Variants in WWOX observed in about 807,000 individuals in gnomAD.
WWOX encodes WW domain-containing oxidoreductase.
Under a neutral mutation model 46.2 loss-of-function variants are expected in WWOX, and 69 were observed. The observed-to-expected ratio is 1.49, with a 90% CI of 1.23 to 1.82. WWOX has a LOEUF of 1.82. Among genes scored for constraint, WWOX ranks in the 40% most tolerant of loss-of-function variants. WWOX has a pLI of 0.00. For missense variants in WWOX, 919 were observed against 542.6 expected (o/e 1.69, Z -6.89); for synonymous variants, 359 against 202.6 (o/e 1.77, Z -6.56).
At chr16:78,563,961 C>A (rs1269256190) in intron 8 of WWOX, among the ~76,000 whole-genome samples, 2 of 152,184 alleles carry the variant, frequency 1.3e-5, no homozygotes, top group Admixed American at 6.5e-5. Context: ...TTGAAACGTG[C>A]TTTTATGTTG....
At chr16:78,771,654 C>G (rs893578900) in intron 8 of WWOX, among the ~76,000 whole-genome samples, 9 of 152,038 alleles carry the variant, frequency 5.9e-5, no homozygotes, top group African/African-American at 2.4e-5. Flanking sequence ...TGTCTGTAAT[C>G]CCAGCTATTT....
At chr16:78,930,420 G>A (rs1173514077) in intron 8 of WWOX, among the ~76,000 whole-genome samples, 1 of 149,222 alleles carries the variant, frequency 6.7e-6, no homozygotes, top group African/African-American at 2.5e-5. Flanking sequence ...TGGGACTACA[G>A]GTGTGCACCA....
At chr16:78,718,374 T>C (rs936667321) in intron 8 of WWOX, among the ~76,000 whole-genome samples, 2 of 152,160 alleles carry the variant, frequency 1.3e-5, no homozygotes, top group African/African-American at 4.8e-5. Context: ...TCAGAAGTTA[T>C]CATTGTGTTT....
At chr16:78,931,261 A>T (rs976201650) in intron 8 of WWOX, among the ~76,000 whole-genome samples, 2 of 152,172 alleles carry the variant, frequency 1.3e-5, no homozygotes, top group African/African-American at 4.8e-5. Context: ...ATGGGAACGC[A>T]GGTCAGCATG....
chr16:78,767,094 T>TTTCCTCCC (rs2049941155), intron 8 of WWOX, among the ~76,000 whole-genome samples: 1 of 120,748 alleles, frequency 8.3e-6, no homozygotes. Context: ...CTCTCTCTCC[T>TTTCCTCCC]TTCCTCCCTT....
At chr16:78,999,954 G>A (rs1315565217) in intron 8 of WWOX, among the ~76,000 whole-genome samples, 1 of 152,096 alleles carries the variant, frequency 6.6e-6, no homozygotes, top group Non-Finnish European at 1.5e-5. Flanking sequence ...TTCACCGGGA[G>A]CATTTTTTTT....
chr16:78,316,440 T>G (rs959359488), intron 5 of WWOX, among the ~76,000 whole-genome samples: 11 of 152,138 alleles, frequency 7.2e-5, no homozygotes, highest in Non-Finnish European at 1.3e-4. Flanking sequence ...CCCCCTGGGT[T>G]CAAGCGATTC....
intron 8 of WWOX, among the ~76,000 whole-genome samples, chr16:79,088,911 C>G (rs144210455): frequency 6.6e-6 from 1 of 152,248 alleles, no homozygotes; most frequent in African/African-American, 2.4e-5. Flanking sequence ...AGGATACTTC[C>G]TATTGGAGTG....
chr16:79,130,261 C>T lies in WWOX; in HGVS notation c.1057-81347C>T, dbSNP rs74827632. On this transcript the variant is annotated intron_variant, in intron 8 of 8. Transcript: ENST00000566780. ...TACAACAGAGGGGACAAAATAATTT[C>T]TATATAAAGTGCTTAGCATAGTGCC... Among the ~76,000 whole-genome samples, 116 of 152,266 alleles carry T rather than the reference C, an allele frequency of 7.6e-4. No individual in the cohort carries two copies. The East Asian group carries it at 8.9e-3, about 12-fold the overall frequency.
chr16:78,141,574 A>G (rs375765480), intron 4 of WWOX, among the ~76,000 whole-genome samples: 6 of 152,014 alleles, frequency 3.9e-5, no homozygotes, highest in African/African-American at 1.4e-4. Flanking sequence ...GTTCATAGAC[A>G]CTGAATTAAG....
intron 6 of WWOX, among the ~76,000 whole-genome samples, chr16:78,394,887 A>T (rs1325374342): frequency 6.6e-6 from 1 of 152,222 alleles, no homozygotes; most frequent in Non-Finnish European, 1.5e-5. Context: ...TGACGCTTCC[A>T]GCTCTACCAC....
At chr16:78,930,448 A>ATTTT (rs71140847) in intron 8 of WWOX, among the ~76,000 whole-genome samples, 3 of 106,576 alleles carry the variant, frequency 2.8e-5, no homozygotes, top group Admixed American at 1.1e-4. Flanking sequence ...CAGCTAGCTA[A>ATTTT]TTTTTTTTTT....
intron 8 of WWOX, among the ~76,000 whole-genome samples, chr16:79,028,944 A>G (rs781743037): frequency 1.3e-5 from 2 of 151,822 alleles, no homozygotes; most frequent in African/African-American, 2.4e-5. Context: ...TTGAAGTTGG[A>G]GAAAAGAGCA....
chr16:78,202,826 G>A (rs371458943), intron 5 of WWOX, among the ~76,000 whole-genome samples: 6 of 81,082 alleles, frequency 7.4e-5, no homozygotes, highest in Admixed American at 2.4e-4. Context: ...TTTTTTTTTT[G>A]TCTTTTTAAA....
chr16:78,384,403 T>TG (rs1480127828), intron 5 of WWOX, among the ~76,000 whole-genome samples: 1 of 152,090 alleles, frequency 6.6e-6, no homozygotes, highest in Non-Finnish European at 1.5e-5. Flanking sequence ...AGCGTCTCTG[T>TG]GGGGTATTGA....
intron 8 of WWOX, among the ~76,000 whole-genome samples, chr16:78,580,788 T>C (rs1205124301): frequency 6.6e-6 from 1 of 152,262 alleles, no homozygotes; most frequent in Admixed American, 6.5e-5. Context: ...CTTCATTTAA[T>C]AATGCCATGT....
intron 8 of WWOX, among the ~76,000 whole-genome samples, chr16:78,929,190 T>C (rs2045565830): frequency 6.6e-6 from 1 of 152,304 alleles, no homozygotes; most frequent in Admixed American, 6.5e-5. Flanking sequence ...AATTGAAGTG[T>C]AAATATTCGA....
In WWOX at chr16:78,930,222, TCTTCCTTCCTTCCTTCCTTCCTTC is replaced by T. The variant is rs574392161; in HGVS notation, c.1057-281362_1057-281339del. ...CTGGGGTGGATTATTTCAGGACCTT[TCTTCCTTCCTTCCTTCCTTCCTTC>T]CTTCCTTCCTTCCTTCCTTCCTTTC... On this transcript the variant is annotated intron_variant, in intron 8 of 8. Transcript: ENST00000566780. Among the ~76,000 whole-genome samples the T allele has an allele frequency of 4.2e-4, 44 of 104,998 alleles. 1 individual carries two copies. Among genetic ancestry groups the T allele is most frequent in the African/African-American group, 1.5e-3 (39 of 25,324 alleles). 68.9% of individuals were successfully genotyped at this position (104,998 alleles called of 152,430 possible). A position where few individuals can be genotyped will look rare whatever the true frequency, so the allele number is the denominator to read the frequency against.
intron 8 of WWOX, among the ~76,000 whole-genome samples, chr16:78,732,558 C>G (rs1184127055): frequency 6.6e-6 from 1 of 152,100 alleles, no homozygotes; most frequent in African/African-American, 2.4e-5. Context: ...TAGATTTACA[C>G]TTCAAAGTCT....
Sources: gnomAD v4.1 joint callset for allele counts (sites outside exome capture counted in the v4.1 genomes callset) on GRCh38, gnomAD v4.1.1 for gene constraint, MANE v1.5 for transcripts, NCBI Gene and HGNC (gene_info 2026-07-23, HGNC 2026-07-21) for gene names.